ZNF75D: variants seen among roughly 807,000 people sequenced by gnomAD.
ZNF75D encodes the protein zinc finger protein 75.
A neutral mutation model predicts 33.3 loss-of-function variants in ZNF75D; 33 were observed. The observed-to-expected ratio is 0.99, with a 90% CI of 0.75 to 1.32. ZNF75D has a LOEUF of 1.32. Among genes scored for constraint, ZNF75D ranks in the 40% most tolerant of loss-of-function variants. ZNF75D has a pLI of 0.00. For missense variants in ZNF75D, 338 were observed against 367.5 expected (o/e 0.92, Z 0.66); for synonymous variants, 113 against 130.6 (o/e 0.87, Z 0.92).
chrX:135,264,574 A>T (rs1461797113), intron 1 of ZNF75D, among the ~76,000 whole-genome samples: 12 of 112,153 alleles, frequency 1.1e-4, no homozygotes, highest in African/African-American at 3.9e-4. Context: ...CATGAGAAAC[A>T]GAGATATGTG....
At chrX:135,267,477 C>T (rs1164552952) in intron 1 of ZNF75D, among the ~76,000 whole-genome samples, 1 of 111,038 alleles carries the variant, frequency 9.0e-6, no homozygotes, top group Admixed American at 9.6e-5. Flanking sequence ...TTAATGGCTA[C>T]TATGAACAAC....
At chrX:135,265,177 C>T (rs940527938) in intron 1 of ZNF75D, among the ~76,000 whole-genome samples, 1 of 108,552 alleles carries the variant, frequency 9.2e-6, no homozygotes. Flanking sequence ...TGAGTTCACG[C>T]CATTACACTC....
At chrX:135,266,848 C>A (rs2148461123) in intron 1 of ZNF75D, among the ~76,000 whole-genome samples, 1 of 111,815 alleles carries the variant, frequency 8.9e-6, no homozygotes, top group Admixed American at 9.5e-5. Context: ...ACACATGGAT[C>A]ATTCTCAAGG....
At chrX:135,325,572 C>CG (rs1569494523) in intron 1 of ZNF75D, among the ~76,000 whole-genome samples, 1 of 112,415 alleles carries the variant, frequency 8.9e-6, no homozygotes, top group East Asian at 2.9e-4. Context: ...CTGCCGGCCC[C>CG]GGGCAATGAG....
intron 1 of ZNF75D, among the ~76,000 whole-genome samples, chrX:135,270,792 T>A (rs1343873756): frequency 9.0e-6 from 1 of 111,519 alleles, no homozygotes; most frequent in African/African-American, 3.3e-5. Context: ...CCCACTCTTG[T>A]TACCCAAAGA....
At chrX:135,270,535 T>C (rs1556416851) in intron 1 of ZNF75D, among the ~76,000 whole-genome samples, 2 of 109,245 alleles carry the variant, frequency 1.8e-5, no homozygotes, top group Non-Finnish European at 1.9e-5. Context: ...TTGGTGGATG[T>C]GTACCCGGTG....
chrX:135,303,837 T>C (rs2084251843), intron 1 of ZNF75D, among the ~76,000 whole-genome samples: 1 of 112,489 alleles, frequency 8.9e-6, no homozygotes, highest in Non-Finnish European at 1.9e-5. Flanking sequence ...AAGTATAGCC[T>C]CTTTCTAAGC....
intron 1 of ZNF75D, among the ~76,000 whole-genome samples, chrX:135,267,444 T>C (rs1388467479): frequency 7.2e-5 from 8 of 111,290 alleles, no homozygotes; most frequent in Non-Finnish European, 1.3e-4. Context: ...TTACAACTGA[T>C]ACCACAGAAA....
At chrX:135,290,917 C>T in intron 6 of ZNF75D, 92 bp downstream of exon 6, 2 of 842,668 alleles carry the variant, frequency 2.4e-6, no homozygotes, top group Non-Finnish European at 3.4e-6. Context: ...GCTGTTGGAA[C>T]AGTGGGACTC....
Position 135,303,559 on chromosome X carries a change from G to A in ZNF75D, c.-390-7520C>T, listed in dbSNP as rs1360950817. 4.5e-5 allele frequency among the ~76,000 whole-genome samples: 5 copies of A among 112,326 alleles called. No homozygotes were observed. In the Admixed American group the frequency reaches 4.7e-4, roughly 11 times the overall value. ...GAGTTGACACAGCACATGTTTCAGG[G>A]AGCACAGGTTTGGGGGTAAGGTTAC... On this transcript the variant is annotated intron_variant, in intron 1 of 6. Coordinates refer to ENST00000370766, the MANE Select transcript of ZNF75D (RefSeq NM_007131.5).
chrX:135,324,146 G>C (rs1556436247), intron 1 of ZNF75D, among the ~76,000 whole-genome samples: 1 of 111,468 alleles, frequency 9.0e-6, no homozygotes, highest in African/African-American at 3.3e-5. Flanking sequence ...GAAAAATGGA[G>C]GTAAGATACT....
intron 1 of ZNF75D, among the ~76,000 whole-genome samples, chrX:135,339,786 C>T (rs1215093433): frequency 8.9e-6 from 1 of 111,824 alleles, no homozygotes; most frequent in African/African-American, 3.3e-5. Flanking sequence ...CTAGAAGAGC[C>T]CTACTCCCTC....
chrX:135,267,820 A>C (rs1270835153), intron 1 of ZNF75D, among the ~76,000 whole-genome samples: 1 of 108,865 alleles, frequency 9.2e-6, no homozygotes, highest in South Asian at 4.0e-4. Context: ...AAAAAAAAAA[A>C]CCTACAGACC....
At chrX:135,276,565 G>A (rs1352942293) in intron 1 of ZNF75D, among the ~76,000 whole-genome samples, 1 of 111,093 alleles carries the variant, frequency 9.0e-6, no homozygotes, top group East Asian at 2.8e-4. Flanking sequence ...AGGTATACAC[G>A]TGCCATGGTG....
At position 135,273,934 on chromosome X, in the gene ZNF75D, G is replaced by A. The variant is rs1482716192; in HGVS notation, n.828-18157C>T. Among the ~76,000 whole-genome samples, 3 of 111,827 alleles carry A rather than the reference G, an allele frequency of 2.7e-5. No individual in the cohort carries two copies. In the East Asian group the frequency reaches 8.4e-4, roughly 31 times the overall value. On this transcript the variant is annotated intron_variant and non_coding_transcript_variant, in intron 1 of 3. Transcript: ENST00000494295. ...GTATGTGATGTTCTCCTTTGGTGCT[G>A]TTTGGTGCCAGTGTTCTTTGGAGTC...
intron 1 of ZNF75D, among the ~76,000 whole-genome samples, chrX:135,256,318 G>A (rs1284819550): frequency 1.0e-5 from 1 of 97,797 alleles, no homozygotes; most frequent in Non-Finnish European, 2.1e-5. Flanking sequence ...CTTTGGGGAG[G>A]GAGAGTGCAG....
downstream of ZNF75D, chrX:135,285,716 C>T (rs1313207694): frequency 2.7e-5 from 3 of 111,377 alleles, no homozygotes; most frequent in East Asian, 8.4e-4. Flanking sequence ...TGGAAACAGG[C>T]TTAGAACGGT....
chrX:135,259,871 C>T (rs1265788729), intron 1 of ZNF75D, among the ~76,000 whole-genome samples: 2 of 111,731 alleles, frequency 1.8e-5, no homozygotes, highest in Middle Eastern at 4.6e-3. Context: ...TGTCTTGTGC[C>T]GGTTTTCAAA....
chrX:135,313,425 T>C (rs1556429625), intron 1 of ZNF75D, among the ~76,000 whole-genome samples: 1 of 112,200 alleles, frequency 8.9e-6, no homozygotes. Context: ...AGTGTGTTGC[T>C]TCCAGCTTTA....
Sources: allele counts gnomAD v4.1 joint callset (sites outside exome capture counted in the v4.1 genomes callset), GRCh38; gene constraint gnomAD v4.1.1; transcripts MANE v1.5; gene names NCBI Gene and HGNC (gene_info 2026-07-23, HGNC 2026-07-21).